UBA6: variants seen among roughly 807,000 people sequenced by gnomAD.
UBA6 encodes ubiquitin like modifier activating enzyme 6.
A neutral mutation model predicts 148.3 loss-of-function variants in UBA6; 87 were observed. The observed-to-expected ratio is 0.59, with a 90% CI of 0.49 to 0.70. The LOEUF is 0.70. Among genes scored for constraint, UBA6 ranks in the 30% least tolerant of loss-of-function variants. UBA6 has a pLI of 0.00. For synonymous variants in UBA6, 376 were observed against 401.0 expected (o/e 0.94, Z 0.75); for missense variants, 1,186 against 1,241.2 (o/e 0.96, Z 0.67).
intron 2 of UBA6, among the ~76,000 whole-genome samples, chr4:67,688,765 T>C (rs542049899): frequency 3.3e-5 from 5 of 152,264 alleles, no homozygotes; most frequent in African/African-American, 1.2e-4. Flanking sequence ...ATTAAAAACA[T>C]CTTAGTTGAT....
At chr4:67,683,202 T>C (rs1730481502) in intron 2 of UBA6, among the ~76,000 whole-genome samples, 1 of 152,212 alleles carries the variant, frequency 6.6e-6, no homozygotes, top group Non-Finnish European at 1.5e-5. Context: ...AAATCTACTA[T>C]AGTATGTACG....
intron 19 of UBA6, among the ~76,000 whole-genome samples, chr4:67,636,828 G>T (rs1342208494): frequency 1.3e-5 from 2 of 152,096 alleles, no homozygotes; most frequent in Non-Finnish European, 2.9e-5. Flanking sequence ...TCTGGGAAGT[G>T]AGGAGCGTCT....
At chr4:67,674,362 T>A (rs890432379) in intron 6 of UBA6, among the ~76,000 whole-genome samples, 1 of 152,110 alleles carries the variant, frequency 6.6e-6, no homozygotes, top group African/African-American at 2.4e-5. Context: ...CAGAATTGTA[T>A]TTGCTGTGTA....
At chr4:67,639,159 A>C (rs1729243128) in intron 18 of UBA6, 35 bp from the exon 19 acceptor site, 2 of 1,523,418 alleles carry the variant, frequency 1.3e-6, no homozygotes, top group Admixed American at 3.9e-5. Context: ...GAATATGTTA[A>C]ACAACAAAAA....
In UBA6 at chr4:67,626,223, T is replaced by C. The variant is rs1728863415; in HGVS notation, c.2518+137A>G. On this transcript the variant is annotated intron_variant, in intron 28 of 32. Coordinates refer to ENST00000322244, the MANE Select transcript of UBA6 (RefSeq NM_018227.6). ...CACAGTTAAAGATGAACACTGACTT[T>C]AATATGATCATGAAATCAATCAATA... 3 of 642,610 alleles carry C rather than the reference T, an allele frequency of 4.7e-6. No homozygotes were observed. In the South Asian group the frequency reaches 5.3e-5, roughly 11 times the overall value. The allele number at this position is 642,610 out of a possible 1,614,324, so 39.8% of individuals were successfully genotyped here.
chr4:67,654,276 G>T (rs1199213990), intron 13 of UBA6, among the ~76,000 whole-genome samples: 1 of 152,128 alleles, frequency 6.6e-6, no homozygotes, highest in African/African-American at 2.4e-5. Context: ...AATGTTAAAG[G>T]CAGCCAGAGA....
chr4:67,638,995 C>G lies in UBA6; in HGVS notation c.1684G>C (p.Asp562His), dbSNP rs1729236384. The change falls in exon 19 of 33, where the codon GAT (aspartate) becomes CAT (histidine). Residue 562 changes from aspartate to histidine, a missense_variant. Physicochemically the swap from Asp to His is moderately conservative, Grantham distance 81. Transcript: ENST00000322244. ...TTATCTAATGCTGTAATAATTACAT[C>G]TTGTTTAGTATAGAACTCATCATTG... The part of the protein sequence containing the change: ...IYNDEFYTKQ[D>H]VIITALDNVE... 6.2e-7 allele frequency: 1 copy of G among 1,612,128 alleles called. No homozygotes were observed. Among genetic ancestry groups the G allele is most frequent in the Non-Finnish European group, 8.5e-7 (1 of 1,178,858 alleles).
chr4:67,697,314 A>G (rs1730864968), intron 1 of UBA6, among the ~76,000 whole-genome samples: 1 of 152,200 alleles, frequency 6.6e-6, no homozygotes, highest in Non-Finnish European at 1.5e-5. Context: ...TGTTTGGTAC[A>G]TATATTCTAA....
At position 67,647,702 on chromosome 4, in the gene UBA6, T is replaced by C. The variant is rs376236234; in HGVS notation, c.1249-911A>G. On this transcript the variant is annotated intron_variant, in intron 14 of 32. Transcript: ENST00000322244. ...TAACTTGTGTGGCTAAATTTGAACA[T>C]GAACAAATGGTTATTTATTTTATTA... 4.6e-5 allele frequency among the ~76,000 whole-genome samples: 7 copies of C among 151,942 alleles called. No homozygotes were observed. In the South Asian group the frequency reaches 1.5e-3, roughly 32 times the overall value.
At chr4:67,690,928 C>T (rs1346164249) in intron 2 of UBA6, among the ~76,000 whole-genome samples, 5 of 151,992 alleles carry the variant, frequency 3.3e-5, no homozygotes, top group African/African-American at 1.2e-4. Context: ...CCACATAATC[C>T]AGCAATTCCA....
chr4:67,696,245 T>C (rs1730829716), intron 2 of UBA6, among the ~76,000 whole-genome samples: 1 of 152,136 alleles, frequency 6.6e-6, no homozygotes, highest in Admixed American at 6.5e-5. Flanking sequence ...TGTCCAAAAA[T>C]GAAAGGGTTA....
chr4:67,624,131 T>A lies in UBA6; in HGVS notation c.2835A>T (p.Lys945Asn). 6.3e-7 allele frequency: 1 copy of A among 1,584,144 alleles called. No individual in the cohort carries two copies. Among genetic ancestry groups the A allele is most frequent in the Admixed American group, 1.9e-5 (1 of 53,700 alleles). The change falls in exon 30 of 33, where the codon AAA becomes AAT. Residue 945 changes from lysine to asparagine, a missense_variant. Physicochemically the swap from Lys to Asn is moderately conservative, Grantham distance 94 (BLOSUM62 0). Coordinates refer to ENST00000322244, the MANE Select transcript of UBA6 (RefSeq NM_018227.6). ...AAATAGACTTTCATACATACCTGAT[T>A]TTAGTTTTCCTTACTTCAGTTGTCT... ...FTETTEVRKT[K>N]IRNGISFTIW...
At chr4:67,668,787 T>C (rs1336879599) in intron 8 of UBA6, 113 bp from the exon 9 acceptor site, 1 of 905,396 alleles carries the variant, frequency 1.1e-6, no homozygotes, top group African/African-American at 1.7e-5. Context: ...AAAACCGAAA[T>C]TCTAAGCTAT....
chr4:67,665,217 T>G lies in UBA6; in HGVS notation c.869A>C (p.Gln290Pro), dbSNP rs1339164624. The G allele has an allele frequency of 1.3e-6, 2 of 1,599,654 alleles. No homozygotes were observed. Among genetic ancestry groups the G allele is most frequent in the Admixed American group, 1.8e-5 (1 of 56,416 alleles). Residue 290 changes from glutamine (Q) to proline (P), a missense_variant, in exon 10 of 33, where the codon CAA (glutamine) becomes CCA (proline). Gln to Pro is a moderately conservative substitution (Grantham distance 76). Transcript: ENST00000322244. ...AAAAACTGTTTTAGGAGTCTTAACTTGGACAGCTATGCCTCCATGTAAATA... is the reference window on the plus strand; with the variant it reads ...AAAAACTGTTTTAGGAGTCTTAACTGGGACAGCTATGCCTCCATGTAAATA... ...EPYLHGGIAV[Q>P]VKTPKTVFFE... is the part of the protein sequence containing the mutation.
rs182720078 is a variant in UBA6, at chr4:67,617,890, T to C, written c.*1107A>G. 2.0e-4 allele frequency: 31 copies of C among 152,148 alleles called. No homozygotes were observed. Among genetic ancestry groups the C allele is most frequent in the South Asian group, 2.1e-4 (1 of 4,824 alleles). The allele number at this position is 152,148 out of a possible 1,614,324, so 9.4% of individuals were successfully genotyped here. On this transcript the variant is annotated 3_prime_UTR_variant, in exon 33 of 33. Transcript: ENST00000322244. ...GTGTTGGGTACTACTGTTTACATCA[T>C]TTTAATGAAAGTATTTATAAAAACA...
intron 25 of UBA6, among the ~76,000 whole-genome samples, chr4:67,631,134 G>A (rs903937864): frequency 2.6e-5 from 4 of 152,158 alleles, no homozygotes; most frequent in Non-Finnish European, 4.4e-5. Flanking sequence ...GCTGAGGTGC[G>A]AGGATTGCTT....
intron 21 of UBA6, 50 bp downstream of exon 21, chr4:67,634,379 A>AT: frequency 6.4e-7 from 1 of 1,558,490 alleles, no homozygotes. Flanking sequence ...AAAGTCAGAA[A>AT]TATCTTCTTT....
chr4:67,665,122 T>C, intron 10 of UBA6, 67 bp downstream of exon 10: 1 of 934,466 alleles, frequency 1.1e-6, no homozygotes, highest in Non-Finnish European at 1.6e-6. Context: ...ACTGAGTAGT[T>C]ATTTGTCTCT....
chr4:67,682,382 A>C (rs1577836152), intron 2 of UBA6, among the ~76,000 whole-genome samples, 169 bp from the exon 3 acceptor site: 1 of 152,244 alleles, frequency 6.6e-6, no homozygotes, highest in Non-Finnish European at 1.5e-5. Flanking sequence ...AATATATGAC[A>C]TATTTTGAAA....
Sources: gnomAD v4.1 joint callset for allele counts (sites outside exome capture counted in the v4.1 genomes callset) on GRCh38, gnomAD v4.1.1 for gene constraint, MANE v1.5 for transcripts, NCBI Gene and HGNC (gene_info 2026-07-23, HGNC 2026-07-21) for gene names.